SNX31: variants seen among roughly 807,000 people sequenced by gnomAD.
SNX31 encodes sorting nexin 31.
A neutral mutation model predicts 65.4 loss-of-function variants in SNX31; 58 were observed. The observed-to-expected ratio is 0.89, with a 90% CI of 0.72 to 1.10. The LOEUF (loss-of-function observed/expected upper bound fraction) is 1.10, where lower values mean the gene tolerates loss of function less well. SNX31 is among the 50% of genes least tolerant of loss of function. The pLI, the probability that SNX31 is intolerant of heterozygous loss-of-function variation, is 0.00. For missense variants in SNX31, 523 were observed against 529.7 expected, an observed-to-expected ratio of 0.99 and a Z score of 0.12; for synonymous variants, 181 against 190.1, an observed-to-expected ratio of 0.95 and a Z score of 0.39.
intron 3 of SNX31, among the ~76,000 whole-genome samples, chr8:100,633,497 G>A (rs952528606): frequency 1.8e-4 from 28 of 151,876 alleles, no homozygotes; most frequent in African/African-American, 6.3e-4. Context: ...TCCTCCTCCC[G>A]GGTTCAAGTG....
At chr8:100,611,699 T>C (rs1486661427) in intron 7 of SNX31, among the ~76,000 whole-genome samples, 1 of 152,156 alleles carries the variant, frequency 6.6e-6, no homozygotes, top group African/African-American at 2.4e-5. Context: ...GGACCACAGA[T>C]GCACAACACC....
At chr8:100,600,462 A>T (rs765841218) in intron 8 of SNX31, 21 bp from the exon 9 acceptor site, 2 of 1,592,626 alleles carry the variant, frequency 1.3e-6, no homozygotes, top group South Asian at 2.3e-5. Flanking sequence ...CATAAGTTGT[A>T]AAATTAGCAG....
At position 100,576,949 on chromosome 8, in the gene SNX31, G is replaced by T; in HGVS notation, c.1227+70C>A. The T allele has an allele frequency of 1.6e-6, 2 of 1,259,494 alleles. No individual in the cohort carries two copies. The highest frequency in any genetic ancestry group is 2.3e-6 in the Non-Finnish European group (2 of 877,424). 78.0% of individuals were successfully genotyped at this position (1,259,494 alleles called of 1,614,324 possible). On this transcript the variant is annotated intron_variant, in intron 13 of 13. Transcript: ENST00000311812. The surrounding 1 kb of genome is among the most constrained non-coding windows in gnomAD (Gnocchi z 4.8). ...TTATTATTGAAAGTGAGATGACTTT[G>T]GTTAAAGAGGAAAAAAGATCAGATT...
At chr8:100,608,305 T>G (rs1250477729) in intron 8 of SNX31, among the ~76,000 whole-genome samples, 189 bp downstream of exon 8, 1 of 147,956 alleles carries the variant, frequency 6.8e-6, no homozygotes. Context: ...CTTGTACCCA[T>G]CAAACAATAA....
chr8:100,651,950 G>A (rs529155180), upstream of SNX31, among the ~76,000 whole-genome samples: 1 of 152,050 alleles, frequency 6.6e-6, no homozygotes, highest in East Asian at 1.9e-4. Context: ...TCTGTACCAC[G>A]ACTTGACAAG....
intron 2 of SNX31, among the ~76,000 whole-genome samples, chr8:100,643,000 G>T (rs1819364557): frequency 6.6e-6 from 1 of 152,054 alleles, no homozygotes; most frequent in African/African-American, 2.4e-5. Flanking sequence ...AGACCAGCCT[G>T]GCCAACATGG....
chr8:100,599,136 A>G (rs1298149822), intron 9 of SNX31, among the ~76,000 whole-genome samples: 1 of 152,244 alleles, frequency 6.6e-6, no homozygotes, highest in African/African-American at 2.4e-5. Flanking sequence ...TTAAATTTTT[A>G]AATTCAATTT....
In SNX31 at chr8:100,630,232, T is replaced by A; in HGVS notation, c.321+95A>T. 1 of 1,108,384 alleles carries A rather than the reference T, an allele frequency of 9.0e-7. No individual in the cohort carries two copies. Among genetic ancestry groups the A allele is most frequent in the East Asian group, 2.6e-5 (1 of 38,558 alleles). The allele number at this position is 1,108,384 out of a possible 1,614,324, so 68.7% of individuals were successfully genotyped here. A position where few individuals can be genotyped will look rare whatever the true frequency, so the allele number is the denominator to read the frequency against. ...TCCAAGTCCAGGCTCTGTGGGGCTG[T>A]GACCAGTGCACACATGTGTGTGTAC... On this transcript the variant is annotated intron_variant, in intron 4 of 13. Coordinates refer to ENST00000311812, the MANE Select transcript of SNX31 (RefSeq NM_152628.4). The surrounding 1 kb of genome is among the most constrained non-coding windows in gnomAD (Gnocchi z 5.3).
intron 12 of SNX31, among the ~76,000 whole-genome samples, chr8:100,580,336 T>C (rs1371191741): frequency 6.6e-6 from 1 of 152,176 alleles, no homozygotes; most frequent in African/African-American, 2.4e-5. Flanking sequence ...CTTTTCTTGG[T>C]GTCTTTTGGA....
In SNX31 at chr8:100,648,167, A is replaced by T. The variant is rs1047161157; in HGVS notation, c.141+1107T>A. Among the ~76,000 whole-genome samples the T allele has an allele frequency of 1.3e-5, 2 of 152,230 alleles. No individual in the cohort carries two copies. The highest frequency in any genetic ancestry group is 6.5e-5 in the Admixed American group (1 of 15,280). ...GTGACAATTTAATAGCAGAAAAAAC[A>T]AACTAAGCTGTCGGTCAACAGAAGA... On this transcript the variant is annotated intron_variant, in intron 2 of 13. Coordinates refer to ENST00000311812, the MANE Select transcript of SNX31 (RefSeq NM_152628.4). This position sits in a 1 kb window ranked among gnomAD's most constrained non-coding sequence, Gnocchi z 4.3.
intron 2 of SNX31, among the ~76,000 whole-genome samples, chr8:100,640,315 G>A (rs1034222501): frequency 2.0e-5 from 3 of 152,166 alleles, no homozygotes; most frequent in Admixed American, 6.5e-5. Flanking sequence ...TAGTAGAGAC[G>A]GGGTTTCTCC....
In SNX31 at chr8:100,648,860, G is replaced by A. The variant is rs1255194408; in HGVS notation, c.141+414C>T. On this transcript the variant is annotated intron_variant, in intron 2 of 13. Transcript: ENST00000311812. This position sits in a 1 kb window ranked among gnomAD's most constrained non-coding sequence, Gnocchi z 4.3. ...GAGACAAAGGAGATTAAATACCCAT[G>A]TACAAGACTCCAAAGACTCTAGGCC... Among the ~76,000 whole-genome samples the A allele has an allele frequency of 3.9e-5, 6 of 152,226 alleles. No individual in the cohort carries two copies. The highest frequency in any genetic ancestry group is 1.4e-4 in the African/African-American group (6 of 41,462).
chr8:100,616,149 G>A (rs1413135133), intron 5 of SNX31, among the ~76,000 whole-genome samples: 1 of 152,138 alleles, frequency 6.6e-6, no homozygotes, highest in Non-Finnish European at 1.5e-5. Flanking sequence ...TGTATATGCA[G>A]TCCAATGTTG....
intron 12 of SNX31, 34 bp downstream of exon 12, chr8:100,584,077 A>T (rs757740368): frequency 6.3e-7 from 1 of 1,587,720 alleles, no homozygotes; most frequent in Non-Finnish European, 8.6e-7. Flanking sequence ...GTGGGAACGT[A>T]AAGTGAAAAA....
In SNX31 at chr8:100,597,480, T is replaced by G. The variant is rs569443111; in HGVS notation, c.775-638A>C. ...TGGTCTTGATCTCCCGACCTTGTCG[T>G]GATCCACCTGCCTGAGCCTCCCAAA... On this transcript the variant is annotated intron_variant, in intron 9 of 13. Transcript: ENST00000311812. Among the ~76,000 whole-genome samples the G allele has an allele frequency of 4.6e-5, 7 of 152,316 alleles. No individual in the cohort carries two copies. The East Asian group carries it at 1.4e-3, about 29-fold the overall frequency.
intron 10 of SNX31, among the ~76,000 whole-genome samples, chr8:100,595,311 G>GTTTTTTTT (rs765163460): frequency 7.2e-6 from 1 of 138,784 alleles, no homozygotes; most frequent in African/African-American, 3.1e-5. Flanking sequence ...GAGGGAATTT[G>GTTTTTTTT]TTGTTTTTTT....
chr8:100,626,753 A>G lies in SNX31; in HGVS notation c.321+3574T>C, dbSNP rs1170686769. Among the ~76,000 whole-genome samples, 3 of 152,220 alleles carry G rather than the reference A, an allele frequency of 2.0e-5. No individual in the cohort carries two copies. Among genetic ancestry groups the G allele is most frequent in the African/African-American group, 4.8e-5 (2 of 41,454 alleles). ...CAATGAAAGGCAAATAACATATACC[A>G]AAAGAATTACATCATTAAGCAGATG... is the stretch of plus-strand genomic sequence containing the variant. On this transcript the variant is annotated intron_variant, in intron 4 of 13. Coordinates refer to ENST00000311812, the MANE Select transcript of SNX31 (RefSeq NM_152628.4). The surrounding 1 kb of genome is among the most constrained non-coding windows in gnomAD (Gnocchi z 4.4).
chr8:100,619,637 G>A (rs761223801), intron 4 of SNX31, among the ~76,000 whole-genome samples: 10 of 152,230 alleles, frequency 6.6e-5, no homozygotes, highest in Non-Finnish European at 1.2e-4. Context: ...GCAGGGCAGC[G>A]ATCTGGGGGT....
chr8:100,629,419 A>G lies in SNX31; in HGVS notation c.321+908T>C, dbSNP rs1175146254. ...TAAACCATCAAGAAATTGTGAAAAT[A>G]TGAACCACTACAGAACAGAAGGCTC... On this transcript the variant is annotated intron_variant, in intron 4 of 13. Transcript: ENST00000311812. The surrounding 1 kb of genome is among the most constrained non-coding windows in gnomAD (Gnocchi z 5.1). Among the ~76,000 whole-genome samples, 1 of 152,228 alleles carries G rather than the reference A, an allele frequency of 6.6e-6. No individual in the cohort carries two copies. The highest frequency in any genetic ancestry group is 1.9e-4 in the East Asian group (1 of 5,204).
Sources: allele counts gnomAD v4.1 joint callset (sites outside exome capture counted in the v4.1 genomes callset), GRCh38; gene constraint gnomAD v4.1.1; non-coding constraint Gnocchi (gnomAD v3.1); transcripts MANE v1.5; gene names NCBI Gene and HGNC (gene_info 2026-07-23, HGNC 2026-07-21).